TSHZ2: variants seen among roughly 807,000 people sequenced by gnomAD.
TSHZ2 encodes the protein teashirt homolog 2.
In TSHZ2, 21 loss-of-function variants were observed where a neutral mutation model predicts 74.4. The ratio of observed to expected loss-of-function variants is 0.28; its 90% CI spans 0.20 to 0.41. TSHZ2 has a LOEUF of 0.41. TSHZ2 is among the 10% of genes least tolerant of loss of function. The pLI, the probability that TSHZ2 is intolerant of heterozygous loss-of-function variation, is 1.00. For missense variants in TSHZ2, 1,244 were observed against 1,293.5 expected, an observed-to-expected ratio of 0.96 and a Z score of 0.59; for synonymous variants, 540 against 515.3, an observed-to-expected ratio of 1.05 and a Z score of -0.65.
At position 53,064,787 on chromosome 20, in the gene TSHZ2, A is replaced by T. The variant is rs1204006132; in HGVS notation, c.40+91454A>T. Among the ~76,000 whole-genome samples the T allele has an allele frequency of 2.0e-5, 3 of 152,212 alleles. No homozygotes were observed. The East Asian group carries it at 5.8e-4, about 29-fold the overall frequency. On this transcript the variant is annotated intron_variant, in intron 1 of 2. Coordinates refer to ENST00000371497, the MANE Select transcript of TSHZ2 (RefSeq NM_173485.6). ...CTGTGCTAATGAAAGGGCCAAAAAGAAAGTCTATGTGTGGATATCTGGACT... is the reference window on the plus strand; with the variant it reads ...CTGTGCTAATGAAAGGGCCAAAAAGTAAGTCTATGTGTGGATATCTGGACT...
intron 2 of TSHZ2, among the ~76,000 whole-genome samples, chr20:53,303,401 C>T (rs1439446807): frequency 6.6e-6 from 1 of 152,220 alleles, no homozygotes; most frequent in Admixed American, 6.5e-5. Context: ...TAAATTTAGA[C>T]ACATTGAGAT....
intron 1 of TSHZ2, among the ~76,000 whole-genome samples, chr20:52,985,545 C>T (rs569807304): frequency 1.3e-5 from 2 of 152,296 alleles, no homozygotes; most frequent in South Asian, 4.2e-4. Context: ...CAGTGAAGCA[C>T]TTCAAATGGT....
intron 2 of TSHZ2, among the ~76,000 whole-genome samples, chr20:53,403,885 C>T (rs964002086): frequency 3.3e-5 from 5 of 152,184 alleles, no homozygotes; most frequent in African/African-American, 1.2e-4. Flanking sequence ...ATTCTTTACA[C>T]TTTTGATTAC....
chr20:53,246,040 C>CTTTTT (rs57243805), intron 1 of TSHZ2, among the ~76,000 whole-genome samples: 26 of 130,618 alleles, frequency 2.0e-4, no homozygotes, highest in African/African-American at 2.5e-4. Flanking sequence ...TTCTTTCTTT[C>CTTTTT]TTTTTTTTTT....
chr20:53,281,603 T>C (rs1991062423), intron 2 of TSHZ2, among the ~76,000 whole-genome samples: 1 of 152,170 alleles, frequency 6.6e-6, no homozygotes. Flanking sequence ...CAGCCTATGG[T>C]CTAGTAGGAT....
intron 2 of TSHZ2, among the ~76,000 whole-genome samples, chr20:53,293,700 CAAAAA>C (rs11476117): frequency 2.2e-4 from 27 of 120,260 alleles, no homozygotes; most frequent in Non-Finnish European, 3.6e-4. Flanking sequence ...AACTGGCTCT[CAAAAA>C]AAAAAAAAAA....
At chr20:53,187,147 A>G (rs1277997398) in intron 1 of TSHZ2, among the ~76,000 whole-genome samples, 1 of 152,142 alleles carries the variant, frequency 6.6e-6, no homozygotes, top group Non-Finnish European at 1.5e-5. Flanking sequence ...CACTCGCCGC[A>G]CGTCTGGGGG....
intron 2 of TSHZ2, among the ~76,000 whole-genome samples, chr20:53,352,975 T>G (rs1980711438): frequency 1.3e-5 from 2 of 152,162 alleles, no homozygotes; most frequent in South Asian, 4.1e-4. Context: ...TTTGCTTAAT[T>G]TTTGCCCTGA....
chr20:53,268,272 T>C (rs537395468), intron 2 of TSHZ2, among the ~76,000 whole-genome samples: 21 of 152,248 alleles, frequency 1.4e-4, no homozygotes, highest in African/African-American at 4.8e-4. Flanking sequence ...CCAGATTGAA[T>C]TACTTACTAT....
intron 2 of TSHZ2, among the ~76,000 whole-genome samples, chr20:53,277,917 A>G (rs1265704681): frequency 6.6e-6 from 1 of 152,114 alleles, no homozygotes; most frequent in Non-Finnish European, 1.5e-5. Flanking sequence ...AATGACCTCA[A>G]ATCCAACTAA....
chr20:53,051,820 T>C lies in TSHZ2; in HGVS notation c.40+78487T>C, dbSNP rs114500684. On this transcript the variant is annotated intron_variant, in intron 1 of 2. Coordinates refer to ENST00000371497, the MANE Select transcript of TSHZ2 (RefSeq NM_173485.6). ...AAATGGGGTCCAGTTGCAGGACAAA[T>C]TTTTGATTTTAATCAAAAGAAAGGT... 9.9e-3 allele frequency among the ~76,000 whole-genome samples: 1,503 copies of C among 152,244 alleles called. 27 individuals carry two copies. The highest frequency in any genetic ancestry group is 0.034 in the African/African-American group (1,424 of 41,550).
chr20:53,373,463 A>G (rs1981550434), intron 2 of TSHZ2, among the ~76,000 whole-genome samples: 3 of 152,086 alleles, frequency 2.0e-5, no homozygotes, highest in South Asian at 2.1e-4. Flanking sequence ...TTGCTCCTTA[A>G]TGAGAGTTTG....
intron 1 of TSHZ2, among the ~76,000 whole-genome samples, chr20:53,084,797 CTTT>C (rs565923856): frequency 1.3e-5 from 2 of 150,052 alleles, no homozygotes; most frequent in Non-Finnish European, 2.9e-5. Flanking sequence ...TCAGTTCATA[CTTT>C]TTTATGCAAG....
At chr20:53,106,569 T>C (rs1986378137) in intron 1 of TSHZ2, among the ~76,000 whole-genome samples, 1 of 150,994 alleles carries the variant, frequency 6.6e-6, no homozygotes, top group Admixed American at 6.6e-5. Flanking sequence ...CATGCCCAGC[T>C]AATTTTTTGT....
At chr20:53,182,201 CT>C in intron 1 of TSHZ2, among the ~76,000 whole-genome samples, 2 of 146,196 alleles carry the variant, frequency 1.4e-5, no homozygotes, top group Non-Finnish European at 3.0e-5. Context: ...CTTTCTTCTT[CT>C]CTTCCTCACT....
intron 1 of TSHZ2, among the ~76,000 whole-genome samples, chr20:53,090,454 C>T (rs1276078708): frequency 6.6e-6 from 1 of 152,158 alleles, no homozygotes; most frequent in Non-Finnish European, 1.5e-5. Context: ...GGCATGAAGC[C>T]ATGGGGGAAT....
At chr20:53,322,167 C>T (rs555974792) in intron 2 of TSHZ2, among the ~76,000 whole-genome samples, 23 of 152,078 alleles carry the variant, frequency 1.5e-4, no homozygotes, top group Admixed American at 1.4e-3. Context: ...CAATTTTATT[C>T]GAGATCAGAA....
intron 1 of TSHZ2, chr20:53,206,443 C>G (rs1239522690): frequency 6.6e-6 from 1 of 152,138 alleles, no homozygotes; most frequent in Non-Finnish European, 1.5e-5. Context: ...GACTCTAACA[C>G]TCAGGACTAA....
intron 1 of TSHZ2, among the ~76,000 whole-genome samples, chr20:53,220,548 G>A (rs1423783410): frequency 1.3e-5 from 2 of 152,170 alleles, no homozygotes; most frequent in South Asian, 2.1e-4. Context: ...TTGGGACACA[G>A]CTGTGCCCCT....
Sources: allele counts gnomAD v4.1 joint callset (sites outside exome capture counted in the v4.1 genomes callset), GRCh38; gene constraint gnomAD v4.1.1; transcripts MANE v1.5; gene names NCBI Gene and HGNC (gene_info 2026-07-23, HGNC 2026-07-21).